The following SLIT3 variants were observed in gnomAD, a reference collection of about 807,000 sequenced individuals.
SLIT3 encodes the protein slit guidance ligand 3.
SLIT3 carries 68 observed loss-of-function variants against 184.0 expected under a neutral mutation model. That is an observed-to-expected ratio of 0.37 (90% CI 0.30 to 0.45). The LOEUF is 0.45. Among genes scored for constraint, SLIT3 ranks in the 20% least tolerant of loss-of-function variants. SLIT3 has a pLI of 1.00. For synonymous variants in SLIT3, 831 were observed against 828.6 expected (o/e 1.00, Z -0.05); for missense variants, 1,707 against 2,026.0 (o/e 0.84, Z 3.02).
At chr5:169,175,984 T>C (rs1286048599) in intron 4 of SLIT3, among the ~76,000 whole-genome samples, 1 of 152,246 alleles carries the variant, frequency 6.6e-6, no homozygotes, top group African/African-American at 2.4e-5. Context: ...ACAAAGTCCA[T>C]GAAGTAAGCT....
At chr5:169,128,744 C>T (rs1265015623) in intron 4 of SLIT3, among the ~76,000 whole-genome samples, 2 of 152,220 alleles carry the variant, frequency 1.3e-5, no homozygotes, top group African/African-American at 4.8e-5. Flanking sequence ...TCTCTTTTAA[C>T]CAAGAACTTG....
chr5:169,290,328 AGGGCATACACTG>A (rs1386806413), intron 1 of SLIT3, among the ~76,000 whole-genome samples: 2 of 150,040 alleles, frequency 1.3e-5, no homozygotes, highest in Admixed American at 1.3e-4. Flanking sequence ...GGCACACGCT[AGGGCATACACTG>A]GGGCATATGC....
At chr5:168,797,673 T>G (rs1756615223) in intron 9 of SLIT3, among the ~76,000 whole-genome samples, 1 of 152,212 alleles carries the variant, frequency 6.6e-6, no homozygotes, top group Non-Finnish European at 1.5e-5. Flanking sequence ...CAAATTTTAT[T>G]GCTACCATAA....
chr5:168,746,637 TGTA>T (rs1561907461), intron 20 of SLIT3, among the ~76,000 whole-genome samples: 4 of 60,326 alleles, frequency 6.6e-5, no homozygotes, highest in Admixed American at 4.9e-4. Flanking sequence ...TGTGGTGGTG[TGTA>T]GTGGTGTGGG....
intron 10 of SLIT3, chr5:168,792,167 C>T (rs578197576): frequency 6.6e-6 from 1 of 152,312 alleles, no homozygotes; most frequent in East Asian, 1.9e-4. Context: ...AGGCACAATG[C>T]AGGGCATTGA....
chr5:168,978,193 T>A (rs956302394), intron 4 of SLIT3, among the ~76,000 whole-genome samples: 2 of 152,170 alleles, frequency 1.3e-5, no homozygotes, highest in Non-Finnish European at 2.9e-5. Context: ...ACCTCCCAGT[T>A]TGAAAGTGAA....
chr5:169,007,418 TG>T (rs1182702783), intron 4 of SLIT3, among the ~76,000 whole-genome samples: 2 of 152,088 alleles, frequency 1.3e-5, no homozygotes, highest in African/African-American at 4.8e-5. Context: ...GATGAAGGGG[TG>T]GAACATCAGG....
chr5:169,286,501 T>C (rs1041254411), intron 1 of SLIT3, among the ~76,000 whole-genome samples: 3 of 152,118 alleles, frequency 2.0e-5, no homozygotes, highest in African/African-American at 7.2e-5. Flanking sequence ...GAAGTGAGGA[T>C]GCATAGGGCT....
chr5:168,921,868 T>C (rs1761646215), intron 4 of SLIT3, among the ~76,000 whole-genome samples: 1 of 152,074 alleles, frequency 6.6e-6, no homozygotes, highest in African/African-American at 2.4e-5. Flanking sequence ...ACATACTACA[T>C]GTGAGACACT....
intron 5 of SLIT3, among the ~76,000 whole-genome samples, chr5:168,881,912 G>GA (rs1324456957): frequency 6.6e-6 from 1 of 152,158 alleles, no homozygotes; most frequent in Non-Finnish European, 1.5e-5. Context: ...CTGCTCTTGG[G>GA]AAAACACCCT....
chr5:169,206,136 G>C (rs1347350535), intron 3 of SLIT3, among the ~76,000 whole-genome samples: 1 of 152,210 alleles, frequency 6.6e-6, no homozygotes, highest in Non-Finnish European at 1.5e-5. Context: ...GGCTATGTTG[G>C]GGGCAGGGAA....
chr5:168,729,888 T>A (rs903419370), intron 20 of SLIT3, among the ~76,000 whole-genome samples: 2 of 152,038 alleles, frequency 1.3e-5, no homozygotes, highest in African/African-American at 4.8e-5. Context: ...TAACCCTGAA[T>A]ATAAATGGAT....
At chr5:169,137,329 C>CAGAGAGAGAGAGAGAGAGAGAG (rs573469556) in intron 4 of SLIT3, among the ~76,000 whole-genome samples, 8 of 98,006 alleles carry the variant, frequency 8.2e-5, no homozygotes, top group South Asian at 7.2e-4. Flanking sequence ...CACACACACA[C>CAGAGAGAGAGAGAGAGAGAGAG]ACACACAGAG....
chr5:168,825,586 G>A (rs1313686012), intron 6 of SLIT3, among the ~76,000 whole-genome samples: 3 of 152,166 alleles, frequency 2.0e-5, no homozygotes, highest in Middle Eastern at 3.4e-3. Context: ...TCACTAACTC[G>A]CCAATGCAGG....
intron 4 of SLIT3, among the ~76,000 whole-genome samples, chr5:169,097,764 C>A (rs1021815577): frequency 6.6e-6 from 1 of 152,134 alleles, no homozygotes; most frequent in Non-Finnish European, 1.5e-5. Context: ...CTCTGTAGCC[C>A]CCCACCACCC....
intron 4 of SLIT3, among the ~76,000 whole-genome samples, chr5:169,144,911 T>G (rs1303791577): frequency 6.6e-6 from 1 of 152,202 alleles, no homozygotes; most frequent in East Asian, 1.9e-4. Flanking sequence ...GCTCCTTCCC[T>G]CCCACCTTCC....
intron 4 of SLIT3, among the ~76,000 whole-genome samples, chr5:169,151,688 G>A (rs534033272): frequency 1.2e-4 from 19 of 152,356 alleles, no homozygotes; most frequent in Middle Eastern, 3.4e-3. Flanking sequence ...TGTGATGAGA[G>A]CAAGCCAGAG....
At chr5:169,056,593 TC>T (rs1159448725) in intron 4 of SLIT3, among the ~76,000 whole-genome samples, 1 of 148,418 alleles carries the variant, frequency 6.7e-6, no homozygotes, top group Non-Finnish European at 1.5e-5. Context: ...GCTGGCGATC[TC>T]TTAAAAAAAA....
At chr5:168,966,333 ATTT>A (rs79367819) in intron 4 of SLIT3, among the ~76,000 whole-genome samples, 2 of 144,534 alleles carry the variant, frequency 1.4e-5, no homozygotes, top group African/African-American at 5.1e-5. Flanking sequence ...GGTTCGCTGG[ATTT>A]TTTTTTTTTT....
Sources: allele counts gnomAD v4.1 joint callset (sites outside exome capture counted in the v4.1 genomes callset), GRCh38; gene constraint gnomAD v4.1.1; transcripts MANE v1.5; gene names NCBI Gene and HGNC (gene_info 2026-07-23, HGNC 2026-07-21).